Variants in IMMP2L observed in about 807,000 individuals in gnomAD.
IMMP2L encodes inner mitochondrial membrane peptidase subunit 2.
Under a neutral mutation model 19.3 loss-of-function variants are expected in IMMP2L, and 18 were observed. The ratio of observed to expected loss-of-function variants is 0.93; its 90% CI spans 0.64 to 1.38. The LOEUF (loss-of-function observed/expected upper bound fraction) is 1.38. IMMP2L is among the 40% of genes most tolerant of loss of function. The pLI is 0.00. For synonymous variants in IMMP2L, 76 were observed against 73.0 expected, an observed-to-expected ratio of 1.04 and a Z score of -0.21; for missense variants, 233 against 218.2, an observed-to-expected ratio of 1.07 and a Z score of -0.43.
At chr7:111,309,252 C>T (rs553923155) in intron 3 of IMMP2L, among the ~76,000 whole-genome samples, 3 of 152,088 alleles carry the variant, frequency 2.0e-5, no homozygotes, top group Non-Finnish European at 2.9e-5. Flanking sequence ...AAACAGTACA[C>T]GTGGAAACAC....
intron 5 of IMMP2L, among the ~76,000 whole-genome samples, chr7:110,731,792 G>A (rs1025165997): frequency 6.6e-6 from 1 of 152,060 alleles, no homozygotes; most frequent in Non-Finnish European, 1.5e-5. Flanking sequence ...TTGACTTCAG[G>A]ATGAAGTCGA....
intron 3 of IMMP2L, among the ~76,000 whole-genome samples, chr7:111,218,881 G>A (rs527940187): frequency 6.6e-6 from 1 of 151,890 alleles, no homozygotes; most frequent in South Asian, 2.1e-4. Flanking sequence ...GAAAATCAAG[G>A]GCCTGCCTCT....
chr7:110,729,758 C>T (rs954331302), intron 5 of IMMP2L, among the ~76,000 whole-genome samples: 3 of 152,076 alleles, frequency 2.0e-5, no homozygotes, highest in African/African-American at 7.2e-5. Flanking sequence ...ACACTGGGGC[C>T]TATCAGTGGT....
chr7:111,206,356 T>G (rs745459189), intron 3 of IMMP2L, among the ~76,000 whole-genome samples: 18 of 152,188 alleles, frequency 1.2e-4, no homozygotes, highest in Non-Finnish European at 2.5e-4. Context: ...TAAGATACAT[T>G]AAGTCCAGAA....
intron 3 of IMMP2L, among the ~76,000 whole-genome samples, chr7:111,163,317 C>T (rs1282134368): frequency 6.6e-6 from 1 of 152,070 alleles, no homozygotes; most frequent in Non-Finnish European, 1.5e-5. Context: ...CCTTAACACC[C>T]CTCAGTGCCA....
In IMMP2L at chr7:110,899,232, C is replaced by T. The variant is rs1311203650; in HGVS notation, c.306-12537G>A. On this transcript the variant is annotated intron_variant, in intron 4 of 5. Transcript: ENST00000405709. Reference sequence around the variant, plus strand: ...AACATTTCTATATACAAATGCATTACAAGAACCCACTAGAATGTGGTTAAA... The same window carrying T: ...AACATTTCTATATACAAATGCATTATAAGAACCCACTAGAATGTGGTTAAA... Among the ~76,000 whole-genome samples, 3 of 152,072 alleles carry T rather than the reference C, an allele frequency of 2.0e-5. No individual in the cohort carries two copies. The East Asian group carries it at 5.8e-4, about 29-fold the overall frequency.
intron 3 of IMMP2L, among the ~76,000 whole-genome samples, chr7:111,033,891 G>A (rs1231271099): frequency 6.6e-6 from 1 of 151,994 alleles, no homozygotes; most frequent in African/African-American, 2.4e-5. Flanking sequence ...ATAAATAGTG[G>A]TAATATCCAT....
At chr7:110,972,994 G>A (rs367724688) in intron 3 of IMMP2L, among the ~76,000 whole-genome samples, 1 of 152,014 alleles carries the variant, frequency 6.6e-6, no homozygotes, top group African/African-American at 2.4e-5. Flanking sequence ...AAAATGCAGA[G>A]GTCAAAATAT....
chr7:110,881,258 A>G (rs1381371001), intron 5 of IMMP2L, among the ~76,000 whole-genome samples: 1 of 152,132 alleles, frequency 6.6e-6, no homozygotes, highest in Non-Finnish European at 1.5e-5. Context: ...TATCTCCTTT[A>G]AGTGGCTTTG....
At position 111,123,566 on chromosome 7, in the gene IMMP2L, T is replaced by G; in HGVS notation, c.240-160001A>C. Reference sequence around the variant, plus strand: ...CAAAAAGTTGTAAATCTCAAATTTTTGGATCTAAATAAAAATCCTATTAAT... The same window carrying G: ...CAAAAAGTTGTAAATCTCAAATTTTGGGATCTAAATAAAAATCCTATTAAT... On this transcript the variant is annotated intron_variant, in intron 3 of 5. Coordinates refer to ENST00000405709, the MANE Select transcript of IMMP2L (RefSeq NM_032549.4). This position sits in a 1 kb window ranked among gnomAD's most constrained non-coding sequence, Gnocchi z 6.4. 1 of 1,613,736 alleles carries G rather than the reference T, an allele frequency of 6.2e-7. No individual in the cohort carries two copies. The highest frequency in any genetic ancestry group is 8.5e-7 in the Non-Finnish European group (1 of 1,179,808).
At chr7:111,404,653 A>G (rs1424946292) in intron 3 of IMMP2L, among the ~76,000 whole-genome samples, 1 of 152,140 alleles carries the variant, frequency 6.6e-6, no homozygotes, top group Non-Finnish European at 1.5e-5. Flanking sequence ...AAATTTGGAA[A>G]GGAATCACTT....
intron 5 of IMMP2L, among the ~76,000 whole-genome samples, chr7:110,863,325 G>C (rs1223136774): frequency 6.6e-6 from 1 of 152,102 alleles, no homozygotes; most frequent in Non-Finnish European, 1.5e-5. Flanking sequence ...CAGGTTAAAA[G>C]AGCAGCCCCC....
At chr7:111,311,634 G>T (rs1323873487) in intron 3 of IMMP2L, among the ~76,000 whole-genome samples, 1 of 152,140 alleles carries the variant, frequency 6.6e-6, no homozygotes, top group Non-Finnish European at 1.5e-5. Context: ...TAAGGGCTGT[G>T]GCTCTGTGAA....
chr7:110,826,569 C>T (rs1342860703), intron 5 of IMMP2L, among the ~76,000 whole-genome samples: 1 of 152,082 alleles, frequency 6.6e-6, no homozygotes, highest in African/African-American at 2.4e-5. Context: ...CCATCATTCT[C>T]AGCAAACTAT....
At chr7:110,999,358 C>T (rs1275349852) in intron 3 of IMMP2L, among the ~76,000 whole-genome samples, 5 of 139,050 alleles carry the variant, frequency 3.6e-5, no homozygotes, top group African/African-American at 1.4e-4. Context: ...CTGGATTGTA[C>T]CTCTTTTATT....
chr7:110,997,369 T>C lies in IMMP2L; in HGVS notation c.240-33804A>G, dbSNP rs114981662. 4.2e-3 allele frequency among the ~76,000 whole-genome samples: 643 copies of C among 152,202 alleles called. 3 individuals are homozygous for C. The highest frequency in any genetic ancestry group is 0.015 in the African/African-American group (610 of 41,526). ...GATGCTGTAGACATCAATATTCAGATGTTTGTATCAATGTAAGTTTCCATT... is the reference window on the plus strand; with the variant it reads ...GATGCTGTAGACATCAATATTCAGACGTTTGTATCAATGTAAGTTTCCATT... On this transcript the variant is annotated intron_variant, in intron 3 of 5. Transcript: ENST00000405709.
chr7:110,882,607 CTGACCTCAGG>C (rs1809800670), intron 5 of IMMP2L, among the ~76,000 whole-genome samples: 1 of 152,050 alleles, frequency 6.6e-6, no homozygotes, highest in Non-Finnish European at 1.5e-5. Context: ...TCTCGAACTC[CTGACCTCAGG>C]TGATCCACCC....
At chr7:111,019,102 T>G (rs186414560) in intron 3 of IMMP2L, among the ~76,000 whole-genome samples, 3 of 152,264 alleles carry the variant, frequency 2.0e-5, no homozygotes, top group East Asian at 3.9e-4. Context: ...GATTACTATC[T>G]TTATATTCTG....
chr7:111,064,114 T>C (rs954936451), intron 3 of IMMP2L, among the ~76,000 whole-genome samples: 1 of 152,162 alleles, frequency 6.6e-6, no homozygotes, highest in African/African-American at 2.4e-5. Flanking sequence ...TTTATTGGAC[T>C]CACAGCTCCA....
Sources: allele counts gnomAD v4.1 joint callset (sites outside exome capture counted in the v4.1 genomes callset), GRCh38; gene constraint gnomAD v4.1.1; non-coding constraint Gnocchi (gnomAD v3.1); transcripts MANE v1.5; gene names NCBI Gene and HGNC (gene_info 2026-07-23, HGNC 2026-07-21).